MYO9A: variants seen among roughly 807,000 people sequenced by gnomAD.
MYO9A encodes myosin IXA.
MYO9A carries 103 observed loss-of-function variants against 293.3 expected under a neutral mutation model. The observed-to-expected ratio is 0.35, with a 90% CI of 0.30 to 0.41. MYO9A has a LOEUF of 0.41. Ranked by LOEUF, MYO9A falls within the 10% of genes least tolerant of loss-of-function variation. The pLI, the probability that MYO9A is intolerant of heterozygous loss-of-function variation, is 1.00. For synonymous variants in MYO9A, 1,001 were observed against 1,035.7 expected (o/e 0.97, Z 0.64); for missense variants, 2,685 against 3,033.0 (o/e 0.89, Z 2.69).
At chr15:71,847,466 T>A (rs1366512362) in intron 39 of MYO9A, 1 of 453,094 alleles carries the variant, frequency 2.2e-6, no homozygotes, top group South Asian at 1.6e-5. Context: ...TTAGTACAGG[T>A]TTCTGGATTA....
intron 1 of MYO9A, 61 bp from the exon 2 acceptor site, chr15:72,046,695 G>T: frequency 8.7e-7 from 1 of 1,143,174 alleles, no homozygotes; most frequent in Non-Finnish European, 1.2e-6. Context: ...TGATGCTCAA[G>T]AAAGAAAAGC....
rs2056817555 is a variant in MYO9A at position 71,879,794 on chromosome 15, A to G, written c.5666T>C (p.Val1889Ala). 6.2e-7 allele frequency: 1 copy of G among 1,613,582 alleles called. No individual in the cohort carries two copies. Reference protein sequence around the residue: ...DNEDSKKDTLVDVVFKKALKE... With the variant: ...DNEDSKKDTLADVVFKKALKE... ...CAGGGCTTTTTTAAATACAACATCCACTAGTGTATCCTTCTTGCTGTCTTC... is the reference window on the plus strand; with the variant it reads ...CAGGGCTTTTTTAAATACAACATCCGCTAGTGTATCCTTCTTGCTGTCTTC... Residue 1889 changes from valine (V) to alanine (A), a missense_variant, in exon 30 of 42, where the codon GTG becomes GCG. Coordinates refer to ENST00000356056, the MANE Select transcript of MYO9A (RefSeq NM_006901.4).
intron 2 of MYO9A, chr15:72,041,608 TG>T: frequency 3.8e-6 from 1 of 262,692 alleles, no homozygotes; most frequent in Non-Finnish European, 7.6e-6. Context: ...GGGTGAGTGC[TG>T]GAAGCCCCAG....
chr15:72,103,917 T>C (rs2080480617), intron 1 of MYO9A, among the ~76,000 whole-genome samples: 1 of 152,212 alleles, frequency 6.6e-6, no homozygotes, highest in African/African-American at 2.4e-5. Flanking sequence ...TTCTGGCTTG[T>C]TGACCTGGGC....
Position 72,089,022 on chromosome 15 carries a change from T to C in MYO9A, c.-72+28658A>G, listed in dbSNP as rs898628159. Reference sequence around the variant, plus strand: ...TGATCAGAAAACAGAGTATCCCTTATGAACTCAATCAAGAATAAATTCTGA... The same window carrying C: ...TGATCAGAAAACAGAGTATCCCTTACGAACTCAATCAAGAATAAATTCTGA... On this transcript the variant is annotated intron_variant, in intron 1 of 41. Transcript: ENST00000356056. Among the ~76,000 whole-genome samples, 4 of 152,212 alleles carry C rather than the reference T, an allele frequency of 2.6e-5. No individual in the cohort carries two copies. The East Asian group carries it at 7.7e-4, about 29-fold the overall frequency.
rs2143143865 is a variant in MYO9A at position 71,898,282 on chromosome 15, C to T, written c.4221G>A (p.Gln1407=). The T allele has an allele frequency of 6.2e-7, 1 of 1,614,108 alleles. No individual in the cohort carries two copies. Among genetic ancestry groups the T allele is most frequent in the Non-Finnish European group, 8.5e-7 (1 of 1,180,030 alleles). ...CSSESITCKP[Q]LKDSFISNSL... The stretch of plus-strand genomic sequence containing the variant: ...TATTTGAAATGAAGGAGTCTTTCAG[C>T]TGTGGTTTACAGGTAATAGACTCAG... Residue 1407 remains glutamine (Q), a synonymous_variant, in exon 25 of 42, where the codon CAG becomes CAA. Transcript: ENST00000356056.
intron 11 of MYO9A, among the ~76,000 whole-genome samples, chr15:71,981,246 A>T (rs1355271441): frequency 6.6e-6 from 1 of 152,116 alleles, no homozygotes; most frequent in African/African-American, 2.4e-5. Context: ...TATAATTTCC[A>T]CTTCTAATAT....
intron 32 of MYO9A, among the ~76,000 whole-genome samples, chr15:71,866,158 T>C (rs1364825384): frequency 1.3e-5 from 2 of 152,188 alleles, no homozygotes; most frequent in South Asian, 4.1e-4. Flanking sequence ...AGGAAAATGA[T>C]GTTTTATTAT....
At position 71,880,388 on chromosome 15, in the gene MYO9A, T is replaced by G. The variant is rs2056836526; in HGVS notation, c.5569A>C (p.Ile1857Leu). ...SMHWQNDSVQ[I>L]IASVSDLKSM... ...TTTAAATCACTGACACTTGCTATGA[T>G]CTGGACAGAGTCATTTTGCCAATGC... is the stretch of plus-strand genomic sequence containing the variant. The change falls in exon 29 of 42, where the codon ATC becomes CTC. Residue 1857 changes from isoleucine (I) to leucine (L), a missense_variant. By Grantham distance (5) the Ile-to-Leu change is conservative (BLOSUM62 2). This residue lies in a region of MYO9A where 1,434 missense variants were observed against 1,497.7 expected (regional missense o/e 0.96). Transcript: ENST00000356056. 6.2e-7 allele frequency: 1 copy of G among 1,614,118 alleles called. No homozygotes were observed. Among genetic ancestry groups the G allele is most frequent in the African/African-American group, 1.3e-5 (1 of 74,954 alleles).
chr15:72,097,580 C>A (rs1233012656), intron 1 of MYO9A, among the ~76,000 whole-genome samples: 1 of 152,072 alleles, frequency 6.6e-6, no homozygotes, highest in Non-Finnish European at 1.5e-5. Context: ...TGAAACTGAA[C>A]TTAAATATAT....
chr15:72,043,909 AAAAC>A (rs2078301728), intron 2 of MYO9A, among the ~76,000 whole-genome samples: 1 of 149,746 alleles, frequency 6.7e-6, no homozygotes, highest in African/African-American at 2.5e-5. Context: ...TTTCAGGTCT[AAAAC>A]AAACACTATA....
rs777656931 is a variant in MYO9A at position 71,916,329 on chromosome 15, G to A, written c.2685+41C>T. 6.9e-6 allele frequency: 11 copies of A among 1,590,880 alleles called. No individual in the cohort carries two copies. In the African/African-American group the frequency reaches 1.2e-4, roughly 18 times the overall value. On this transcript the variant is annotated intron_variant, in intron 19 of 41. Transcript: ENST00000356056. ...TTAACCTTTCAATGACAATCTGAAA[G>A]ATACAGATTCTTATTTGTTTTAAGC...
At chr15:71,987,874 G>C (rs1427672721) in intron 11 of MYO9A, among the ~76,000 whole-genome samples, 1 of 152,106 alleles carries the variant, frequency 6.6e-6, no homozygotes, top group African/African-American at 2.4e-5. Flanking sequence ...CACTTAACAA[G>C]ATTCTGATCC....
chr15:71,989,463 G>A (rs2076483133), intron 11 of MYO9A, among the ~76,000 whole-genome samples: 1 of 152,060 alleles, frequency 6.6e-6, no homozygotes, highest in African/African-American at 2.4e-5. Context: ...ATATAAAATG[G>A]CTTAGTACAG....
chr15:72,096,728 A>C (rs1049762066), intron 1 of MYO9A, among the ~76,000 whole-genome samples: 1 of 152,216 alleles, frequency 6.6e-6, no homozygotes, highest in African/African-American at 2.4e-5. Context: ...AACCTTCTGT[A>C]AAGAATTCAC....
At chr15:72,007,521 C>A (rs1406126257) in intron 8 of MYO9A, among the ~76,000 whole-genome samples, 1 of 151,962 alleles carries the variant, frequency 6.6e-6, no homozygotes, top group Non-Finnish European at 1.5e-5. Flanking sequence ...TAGCATAGTC[C>A]CAGAATATTA....
chr15:72,047,636 T>A (rs2078425176), intron 1 of MYO9A, among the ~76,000 whole-genome samples: 1 of 152,074 alleles, frequency 6.6e-6, no homozygotes, highest in Non-Finnish European at 1.5e-5. Context: ...CTGTTTCTTA[T>A]CTTCATTAGT....
intron 15 of MYO9A, among the ~76,000 whole-genome samples, chr15:71,940,834 T>C (rs907486201): frequency 6.6e-6 from 1 of 152,052 alleles, no homozygotes; most frequent in South Asian, 2.1e-4. Context: ...TCAAGGAGGA[T>C]GGCTTGAGTC....
chr15:71,902,989 G>A lies in MYO9A; in HGVS notation c.2952C>T (p.Phe984=). 1 of 1,586,318 alleles carries A rather than the reference G, an allele frequency of 6.3e-7. No homozygotes were observed. The highest frequency in any genetic ancestry group is 8.6e-7 in the Non-Finnish European group (1 of 1,157,680). ...IPSKFNIQDF[F]RKINLNPDNY... ...TATCTGGATTAAGATTTATTTTCCT[G>A]AAGAAATCCTGAATGTTAAATTTGG... The change falls in exon 22 of 42, where the codon TTC becomes TTT. Residue 984 remains phenylalanine, a synonymous_variant. Coordinates refer to ENST00000356056, the MANE Select transcript of MYO9A (RefSeq NM_006901.4).
Sources: gnomAD v4.1 joint callset for allele counts (sites outside exome capture counted in the v4.1 genomes callset) on GRCh38, gnomAD v4.1.1 for gene constraint, gnomAD v4.1.1 regional missense constraint, MANE v1.5 for transcripts, NCBI Gene and HGNC (gene_info 2026-07-23, HGNC 2026-07-21) for gene names.